MSN: variants seen among roughly 807,000 people sequenced by gnomAD.
MSN encodes the protein moesin, also known as epididymis luminal protein 70.
A neutral mutation model predicts 48.0 loss-of-function variants in MSN; 2 were observed. The observed-to-expected ratio is 0.04, with a 90% CI of 0.02 to 0.13. The LOEUF is 0.13. Ranked by LOEUF, MSN falls within the 10% of genes least tolerant of loss-of-function variation. The probability of loss-of-function intolerance (pLI) is 1.00; values close to 1 mark genes in which losing one functional copy is unlikely to be tolerated. For missense variants in MSN, 267 were observed against 470.1 expected (o/e 0.57, Z 3.99); for synonymous variants, 146 against 166.9 (o/e 0.87, Z 0.97).
At chrX:65,704,974 T>C (rs2071346978) in intron 1 of MSN, among the ~76,000 whole-genome samples, 1 of 110,485 alleles carries the variant, frequency 9.1e-6, no homozygotes, top group Admixed American at 9.7e-5. Flanking sequence ...TGTCACCATA[T>C]TGGTCAGGCT....
chrX:65,739,626 G>A, intron 12 of MSN, 103 bp from the exon 13 acceptor site: 2 of 926,139 alleles, frequency 2.2e-6, no homozygotes, highest in Non-Finnish European at 2.9e-6. Context: ...GAGAAAGGGT[G>A]AGGAAGAAAG....
At chrX:65,701,157 G>T (rs150327628) in intron 1 of MSN, among the ~76,000 whole-genome samples, 1 of 111,919 alleles carries the variant, frequency 8.9e-6, no homozygotes, top group African/African-American at 3.2e-5. Context: ...AAGACGCAGA[G>T]AACTCAAGAG....
intron 1 of MSN, chrX:65,625,987 C>T (rs2070501497): frequency 1.2e-5 from 1 of 86,707 alleles, no homozygotes; most frequent in Non-Finnish European, 2.1e-5. Context: ...TTTAGTCTCA[C>T]TCTGTCGCCC....
chrX:65,724,651 T>C (rs992298164), intron 2 of MSN, among the ~76,000 whole-genome samples: 2 of 108,177 alleles, frequency 1.8e-5, no homozygotes, highest in Non-Finnish European at 3.8e-5. Flanking sequence ...CTTGTCTGAG[T>C]CCATTTTATG....
At chrX:65,693,312 C>T (rs865946239) in intron 1 of MSN, among the ~76,000 whole-genome samples, 25 of 112,289 alleles carry the variant, frequency 2.2e-4, no homozygotes, top group African/African-American at 7.8e-4. Context: ...CTATCTCCTT[C>T]AGTTCTGCAC....
chrX:65,734,606 T>C (rs1443376844), intron 7 of MSN, among the ~76,000 whole-genome samples: 1 of 112,036 alleles, frequency 8.9e-6, no homozygotes, highest in East Asian at 2.8e-4. Context: ...TCAAACTCAC[T>C]GGATTTTCTT....
rs1485034069 is a variant in MSN at position 65,695,522 on chromosome X, A to AAAC, written c.13-21294_13-21293insCAA. 8.8e-4 allele frequency among the ~76,000 whole-genome samples: 95 copies of AAAC among 107,363 alleles called. 1 individual carries two copies. The highest frequency in any genetic ancestry group is 3.1e-3 in the African/African-American group (92 of 29,416). The allele number at this position is 107,363 out of a possible 115,157, so 93.2% of individuals were successfully genotyped here. A position where few individuals can be genotyped will look rare whatever the true frequency, so the allele number is the denominator to read the frequency against. On this transcript the variant is annotated intron_variant, in intron 1 of 12. Coordinates refer to ENST00000360270, the MANE Select transcript of MSN (RefSeq NM_002444.3). Reference sequence around the variant, plus strand: ...AACTCTGTCTCAAAAAAAAAAAAAAAAAAAAAAAAAAACAAAGAAAGAAAG... The same window carrying AAAC: ...AACTCTGTCTCAAAAAAAAAAAAAAAAACAAAAAAAAAAAACAAAGAAAGAAAG...
chrX:65,608,910 G>A (rs2070298550), intron 1 of MSN, among the ~76,000 whole-genome samples: 1 of 110,760 alleles, frequency 9.0e-6, no homozygotes. Flanking sequence ...GATTCTGGTT[G>A]TGAAGTGAAA....
intron 1 of MSN, among the ~76,000 whole-genome samples, chrX:65,670,899 TATATATATATA>T (rs2070928755): frequency 0.015 from 9 of 587 alleles, no homozygotes; most frequent in African/African-American, 0.023. Flanking sequence ...ATGACAGTTA[TATATATATATA>T]TATATATATA....
At chrX:65,620,251 C>T (rs34549983) in intron 1 of MSN, among the ~76,000 whole-genome samples, 62 of 112,639 alleles carry the variant, frequency 5.5e-4, no homozygotes, top group African/African-American at 1.7e-3. Context: ...TGGAGCTTCC[C>T]GGCTGCTTTG....
At chrX:65,665,015 GC>G (rs1315086366), upstream of MSN, among the ~76,000 whole-genome samples, 2 of 110,460 alleles carry the variant, frequency 1.8e-5, no homozygotes, top group African/African-American at 6.6e-5. Context: ...CTCCCAAAGT[GC>G]TGGGATTACA....
At chrX:65,637,129 G>A (rs764450354) in intron 1 of MSN, among the ~76,000 whole-genome samples, 1 of 108,320 alleles carries the variant, frequency 9.2e-6, no homozygotes, top group Non-Finnish European at 1.9e-5. Context: ...TAGGCCGGGC[G>A]TGGTGGTTCA....
intron 1 of MSN, among the ~76,000 whole-genome samples, chrX:65,605,149 C>G (rs1023734084): frequency 1.8e-5 from 2 of 112,208 alleles, no homozygotes; most frequent in African/African-American, 6.5e-5. Context: ...TGGTAAATTA[C>G]CATTTGGTAA....
intron 1 of MSN, among the ~76,000 whole-genome samples, chrX:65,637,894 C>T (rs919949887): frequency 2.7e-5 from 3 of 110,992 alleles, no homozygotes; most frequent in Non-Finnish European, 3.8e-5. Context: ...GTCCTCCACA[C>T]CTCCTTCTCT....
At chrX:65,633,665 C>G (rs1226718020) in intron 1 of MSN, among the ~76,000 whole-genome samples, 1 of 112,063 alleles carries the variant, frequency 8.9e-6, no homozygotes, top group East Asian at 2.8e-4. Context: ...GGGCTGTGTT[C>G]CCTTGGGCCA....
At chrX:65,678,211 C>T (rs949990169) in intron 1 of MSN, among the ~76,000 whole-genome samples, 12 of 111,727 alleles carry the variant, frequency 1.1e-4, no homozygotes, top group Admixed American at 5.7e-4. Context: ...GTCCTCTGTT[C>T]TCCTTTAGTA....
chrX:65,668,066 C>A (rs879049260), intron 1 of MSN, among the ~76,000 whole-genome samples: 1 of 112,229 alleles, frequency 8.9e-6, no homozygotes, highest in East Asian at 2.8e-4. Context: ...TTGGACGGGG[C>A]GAGGCCTGCC....
At chrX:65,627,183 C>T (rs975849449) in intron 1 of MSN, among the ~76,000 whole-genome samples, 5 of 110,553 alleles carry the variant, frequency 4.5e-5, no homozygotes, top group African/African-American at 1.3e-4. Flanking sequence ...GCTGTCTATA[C>T]TGCCATTTTG....
chrX:65,708,551 T>C (rs1221232016), intron 1 of MSN, among the ~76,000 whole-genome samples: 4 of 110,931 alleles, frequency 3.6e-5, no homozygotes, highest in Non-Finnish European at 5.7e-5. Flanking sequence ...CATTGGCCTC[T>C]CAAAGTGCGG....
Sources: allele counts gnomAD v4.1 joint callset (sites outside exome capture counted in the v4.1 genomes callset), GRCh38; gene constraint gnomAD v4.1.1; transcripts MANE v1.5; gene names NCBI Gene and HGNC (gene_info 2026-07-23, HGNC 2026-07-21).